FGFR3: variants seen among roughly 807,000 people sequenced by gnomAD.
The protein encoded by FGFR3 is fibroblast growth factor receptor 3.
Under a neutral mutation model 82.9 loss-of-function variants are expected in FGFR3, and 25 were observed. The ratio of observed to expected loss-of-function variants is 0.30; its 90% CI spans 0.22 to 0.42. FGFR3 has a LOEUF of 0.42. Ranked by LOEUF, FGFR3 falls within the 10% of genes least tolerant of loss-of-function variation. FGFR3 has a pLI of 1.00. For synonymous variants in FGFR3, 620 were observed against 516.0 expected (o/e 1.20, Z -2.73); for missense variants, 1,026 against 1,161.0 (o/e 0.88, Z 1.69).
rs763472649 is a variant in FGFR3, at chr4:1,807,512, G to C, written c.*250G>C. The C allele has an allele frequency of 2.8e-6, 2 of 719,072 alleles. No individual in the cohort carries two copies. The highest frequency in any genetic ancestry group is 3.5e-5 in the African/African-American group (2 of 57,742). 44.5% of individuals were successfully genotyped at this position (719,072 alleles called of 1,614,324 possible). ...GCTGCTGTGCAACGGTCTCCTGACT[G>C]GTGCTGCAGCACCGAGGGGCCTTTG... On this transcript the variant is annotated 3_prime_UTR_variant, in exon 18 of 18. Coordinates refer to ENST00000440486, the MANE Select transcript of FGFR3 (RefSeq NM_000142.5).
rs1721751764 is a variant in FGFR3, at chr4:1,805,342, C to CACA, written c.1413-13_1413-12insACA. On this transcript the variant is annotated splice_polypyrimidine_tract_variant and intron_variant, in intron 10 of 17. Coordinates refer to ENST00000440486, the MANE Select transcript of FGFR3 (RefSeq NM_000142.5). ...AGTTTGCACACTCATGGTCCCTCTG[C>CACA]CTCCACTGCCAGGCTGACCCTGGGC... 1 of 1,610,642 alleles carries CACA rather than the reference C, an allele frequency of 6.2e-7. No individual in the cohort carries two copies. The highest frequency in any genetic ancestry group is 8.5e-7 in the Non-Finnish European group (1 of 1,179,862).
At position 1,803,842 on chromosome 4, in the gene FGFR3, G is replaced by A. The variant is rs368793167; in HGVS notation, c.1075+6G>A. 27 of 1,612,872 alleles carry A rather than the reference G, an allele frequency of 1.7e-5. No homozygotes were observed. The East Asian group carries it at 3.3e-4, about 20-fold the overall frequency. On this transcript the variant is annotated splice_donor_region_variant and intron_variant, in intron 8 of 17. Coordinates refer to ENST00000440486, the MANE Select transcript of FGFR3 (RefSeq NM_000142.5). ...GTGGCTGGTGGTGCTGCCAGGTACC[G>A]GCTTCTGCTGCTGCTGCTGCTCCGC... is the stretch of plus-strand genomic sequence containing the variant.
In FGFR3 at chr4:1,805,573, A is replaced by G. The variant is rs560351992; in HGVS notation, c.1549A>G (p.Lys517Glu). The G allele has an allele frequency of 1.1e-5, 17 of 1,613,206 alleles. No individual in the cohort carries two copies. The highest frequency in any genetic ancestry group is 1.4e-5 in the Non-Finnish European group (16 of 1,179,810). Reference sequence around the variant, plus strand: ...TCCGTGCACAGACGATGCCACTGACAAGGACCTGTCGGACCTGGTGTCTGA... The same window carrying G: ...TCCGTGCACAGACGATGCCACTGACGAGGACCTGTCGGACCTGGTGTCTGA... ...VKMLKDDATD[K>E]DLSDLVSEME... Residue 517 changes from lysine (K) to glutamate (E), a missense_variant, in exon 12 of 18, where the codon AAG (lysine) becomes GAG (glutamate). Lys to Glu is a moderately conservative substitution (Grantham distance 56, BLOSUM62 1). Transcript: ENST00000440486.
In FGFR3 at chr4:1,793,986, G is replaced by A. The variant is rs908992323; in HGVS notation, c.52G>A (p.Ala18Thr). The A allele has an allele frequency of 1.2e-5, 16 of 1,385,574 alleles. No individual in the cohort carries two copies. Among genetic ancestry groups the A allele is most frequent in the Non-Finnish European group, 1.4e-5 (15 of 1,057,390 alleles). 85.8% of individuals were successfully genotyped at this position (1,385,574 alleles called of 1,614,324 possible). A position where few individuals can be genotyped will look rare whatever the true frequency, so the allele number is the denominator to read the frequency against. Residue 18 changes from alanine to threonine, a missense_variant, in exon 2 of 18, where the codon GCC (alanine) becomes ACC (threonine). By Grantham distance (58) the Ala-to-Thr change is moderately conservative. Around this residue, in one of 9 missense-constraint regions of FGFR3, gnomAD observed 226 missense variants for 222.0 expected, o/e 1.02. Transcript: ENST00000440486. The stretch of plus-strand genomic sequence containing the variant: ...GCTCTGCGTGGCCGTGGCCATCGTG[G>A]CCGGCGCCTCCTCGGAGTCCTTGGG... ...LALCVAVAIV[A>T]GASSESLGTE...
chr4:1,805,490 G>T lies in FGFR3; in HGVS notation c.1534+14G>T, dbSNP rs374221323. 8 of 1,612,120 alleles carry T rather than the reference G, an allele frequency of 5.0e-6. No homozygotes were observed. In the Admixed American group the frequency reaches 6.7e-5, roughly 13 times the overall value. On this transcript the variant is annotated intron_variant, in intron 11 of 17. Coordinates refer to ENST00000440486, the MANE Select transcript of FGFR3 (RefSeq NM_000142.5). ...AGATGCTGAAAGGTGAGGAGGGGGC[G>T]GCCAGGGGTGCAGAGCAGGGCTGGG...
Position 1,801,969 on chromosome 4 carries a change from G to C in FGFR3, c.874G>C (p.Glu292Gln), listed in dbSNP as rs1331426875. Reference protein sequence around the residue: ...QPHIQWLKHVEVNGSKVGPDG... With the variant: ...QPHIQWLKHVQVNGSKVGPDG... ...CCACATCCAGTGGCTCAAGCACGTG[G>C]AGGTGAATGGCAGCAAGGTGGGCCC... is the stretch of plus-strand genomic sequence containing the variant. The change falls in exon 7 of 18, where the codon GAG becomes CAG. Residue 292 changes from glutamate to glutamine, a missense_variant. Glu to Gln is a conservative substitution (Grantham distance 29). This residue lies in a region of FGFR3 where 147 missense variants were observed against 228.1 expected (regional missense o/e 0.64). Transcript: ENST00000440486. The C allele has an allele frequency of 6.2e-7, 1 of 1,612,842 alleles. No homozygotes were observed. The highest frequency in any genetic ancestry group is 1.1e-5 in the South Asian group (1 of 91,086).
intron 4 of FGFR3, among the ~76,000 whole-genome samples, chr4:1,800,673 G>A (rs147170544): frequency 6.6e-6 from 1 of 152,266 alleles, no homozygotes; most frequent in East Asian, 1.9e-4. Context: ...GCCTGGAGGG[G>A]GCTGGCAGTG....
In FGFR3 at chr4:1,799,793, G is replaced by C; in HGVS notation, c.426G>C (p.Glu142Asp). The C allele has an allele frequency of 2.5e-6, 4 of 1,612,896 alleles. No individual in the cohort carries two copies. The highest frequency in any genetic ancestry group is 3.4e-6 in the Non-Finnish European group (4 of 1,179,882). ...GDDEDGEDEA[E>D]DTGVDTGAPY... Reference sequence around the variant, plus strand: ...ACGAAGACGGGGAGGACGAGGCTGAGGACACAGGTGTGGACACAGGTAGGA... The same window carrying C: ...ACGAAGACGGGGAGGACGAGGCTGACGACACAGGTGTGGACACAGGTAGGA... The change falls in exon 4 of 18, where the codon GAG becomes GAC. Residue 142 changes from glutamate (E) to aspartate (D), a missense_variant. Around this residue, in one of 9 missense-constraint regions of FGFR3, gnomAD observed 226 missense variants for 222.0 expected, o/e 1.02. Coordinates refer to ENST00000440486, the MANE Select transcript of FGFR3 (RefSeq NM_000142.5).
At chr4:1,796,446 G>A (rs1720523932) in intron 2 of FGFR3, among the ~76,000 whole-genome samples, 1 of 152,078 alleles carries the variant, frequency 6.6e-6, no homozygotes, top group South Asian at 2.1e-4. Flanking sequence ...AATACCTCCT[G>A]TACCCCAGAG....
In FGFR3 at chr4:1,802,873, G is replaced by C. The variant is rs773742351; in HGVS notation, c.931-819G>C. ...ATCCTGCCTCGTGCCCGGCGGGGCTGCCTCGGGGGCGTGCCTGAGCCGGGT... is the reference window on the plus strand; with the variant it reads ...ATCCTGCCTCGTGCCCGGCGGGGCTCCCTCGGGGGCGTGCCTGAGCCGGGT... On this transcript the variant is annotated intron_variant, in intron 7 of 17. Transcript: ENST00000440486. The C allele has an allele frequency of 1.5e-5, 24 of 1,555,722 alleles. No homozygotes were observed. In the Admixed American group the frequency reaches 4.7e-4, roughly 30 times the overall value.
chr4:1,795,793 G>T (rs900365510), intron 2 of FGFR3, among the ~76,000 whole-genome samples: 2 of 152,192 alleles, frequency 1.3e-5, no homozygotes, highest in Non-Finnish European at 2.9e-5. Flanking sequence ...ACCCCACCCA[G>T]CAGGGGTCTG....
chr4:1,797,189 T>TG (rs1330205142), intron 2 of FGFR3, among the ~76,000 whole-genome samples: 3 of 152,132 alleles, frequency 2.0e-5, no homozygotes, highest in Non-Finnish European at 4.4e-5. Flanking sequence ...CTAGGGCTGC[T>TG]GGGGGGCTAT....
In FGFR3 at chr4:1,805,461, G is replaced by C; in HGVS notation, c.1519G>C (p.Val507Leu). ...GGCCGCCAAGCCTGTCACCGTAGCC[G>C]TGAAGATGCTGAAAGGTGAGGAGGG... ...DRAAKPVTVA[V>L]KMLKDDATDK... The change falls in exon 11 of 18, where the codon GTG (valine) becomes CTG (leucine). Residue 507 changes from valine to leucine, a missense_variant. By Grantham distance (32) the Val-to-Leu change is conservative. Around this residue, in one of 9 missense-constraint regions of FGFR3, gnomAD observed 164 missense variants for 167.5 expected, o/e 0.98. Coordinates refer to ENST00000440486, the MANE Select transcript of FGFR3 (RefSeq NM_000142.5). The C allele has an allele frequency of 6.2e-7, 1 of 1,612,204 alleles. No homozygotes were observed. The highest frequency in any genetic ancestry group is 8.5e-7 in the Non-Finnish European group (1 of 1,179,480).
chr4:1,794,321 C>T (rs944686569), intron 2 of FGFR3, among the ~76,000 whole-genome samples: 14 of 152,232 alleles, frequency 9.2e-5, no homozygotes, highest in East Asian at 3.9e-4. Flanking sequence ...GACTCCCTAG[C>T]CCTGGCCTGT....
rs761484440 is a variant in FGFR3 at position 1,803,722 on chromosome 4, C to T, written c.961C>T (p.Leu321=). The change falls in exon 8 of 18, where the codon CTA becomes TTA. Residue 321 remains leucine, a synonymous_variant. Transcript: ENST00000440486. ...GGGCGCTAACACCACCGACAAGGAG[C>T]TAGAGGTTCTCTCCTTGCACAACGT... ...TAGANTTDKE[L]EVLSLHNVTF... is the part of the protein sequence containing the mutation. 6.8e-6 allele frequency: 11 copies of T among 1,613,988 alleles called. No homozygotes were observed. The highest frequency in any genetic ancestry group is 1.1e-5 in the South Asian group (1 of 91,088).
chr4:1,795,176 C>G (rs1720335382), intron 2 of FGFR3, among the ~76,000 whole-genome samples: 1 of 152,082 alleles, frequency 6.6e-6, no homozygotes, highest in Non-Finnish European at 1.5e-5. Context: ...AGCGGCGTGA[C>G]AGGGGCCGTC....
At chr4:1,797,005 G>C (rs743683) in intron 2 of FGFR3, among the ~76,000 whole-genome samples, 11,083 of 152,188 alleles carry the variant, frequency 0.073, 1,124 homozygotes, top group African/African-American at 0.23. Context: ...TGGGGTTGGG[G>C]CGCCGGCAGG....
rs556124396 is a variant in FGFR3, at chr4:1,799,935, A to G, written c.445+123A>G. On this transcript the variant is annotated intron_variant, in intron 4 of 17. Coordinates refer to ENST00000440486, the MANE Select transcript of FGFR3 (RefSeq NM_000142.5). ...AACAACCTCCCTGGGGTCACCCCGA[A>G]GGTCTGGTCCCCTCAGGATACAGGA... is the stretch of plus-strand genomic sequence containing the variant. The G allele has an allele frequency of 2.3e-3, 2,524 of 1,089,470 alleles. 73 individuals are homozygous for G. In the South Asian group the frequency reaches 0.035, roughly 15 times the overall value. 67.5% of individuals were successfully genotyped at this position (1,089,470 alleles called of 1,614,324 possible).
intron 2 of FGFR3, among the ~76,000 whole-genome samples, chr4:1,798,583 G>C (rs1479710367): frequency 6.6e-6 from 1 of 151,524 alleles, no homozygotes; most frequent in Non-Finnish European, 1.5e-5. Context: ...GCTCTGACCG[G>C]TGAACCCGCG....
Sources: allele counts gnomAD v4.1 joint callset (sites outside exome capture counted in the v4.1 genomes callset), GRCh38; gene constraint gnomAD v4.1.1; regional missense constraint gnomAD v4.1.1; transcripts MANE v1.5; gene names NCBI Gene and HGNC (gene_info 2026-07-23, HGNC 2026-07-21).